The following TTC39C variants were observed in gnomAD, a reference collection of about 807,000 sequenced individuals.
TTC39C encodes tetratricopeptide repeat domain 39C.
TTC39C carries 33 observed loss-of-function variants against 76.3 expected under a neutral mutation model. The ratio of observed to expected loss-of-function variants is 0.43; its 90% CI spans 0.33 to 0.58. The LOEUF (loss-of-function observed/expected upper bound fraction) is 0.58. TTC39C is among the 20% of genes least tolerant of loss of function. The probability of loss-of-function intolerance (pLI) is 0.04; values close to 1 mark genes in which losing one functional copy is unlikely to be tolerated. For missense variants in TTC39C, 595 were observed against 701.4 expected (o/e 0.85, Z 1.71); for synonymous variants, 254 against 260.6 (o/e 0.97, Z 0.24).
At chr18:23,998,289 A>G (rs187302416) in intron 1 of TTC39C, among the ~76,000 whole-genome samples, 9 of 152,262 alleles carry the variant, frequency 5.9e-5, no homozygotes, top group Non-Finnish European at 8.8e-5. Context: ...TCTGGTTTTT[A>G]TTATTAAATA....
rs1262640800 is a variant in TTC39C, at chr18:24,023,058, G to T, written c.167+8020G>T. On this transcript the variant is annotated intron_variant, in intron 1 of 13. Transcript: ENST00000317571. ...TCCAGGTGTTCCTGGCCTTCCTGAG[G>T]TTGCTGGAGTTATGTGGGGTCCAAG... 2.6e-5 allele frequency among the ~76,000 whole-genome samples: 4 copies of T among 152,160 alleles called. No homozygotes were observed. The South Asian group carries it at 6.2e-4, about 24-fold the overall frequency.
chr18:24,077,081 GC>G (rs1227863473), intron 4 of TTC39C: 2 of 152,176 alleles, frequency 1.3e-5, no homozygotes, highest in Non-Finnish European at 2.9e-5. Context: ...TTCTCCGGGA[GC>G]AGGTGTTCAC....
chr18:24,131,175 C>T (rs1026728161), intron 12 of TTC39C, among the ~76,000 whole-genome samples: 10 of 146,754 alleles, frequency 6.8e-5, no homozygotes, highest in Non-Finnish European at 1.0e-4. Flanking sequence ...TGCCACTGCA[C>T]TCCAGCCTGA....
At chr18:24,113,468 T>C in intron 6 of TTC39C, 1 of 650,386 alleles carries the variant, frequency 1.5e-6, no homozygotes. Context: ...TAATGGGCAC[T>C]TGGGAGCATT....
At chr18:24,100,388 G>C (rs990101469) in intron 6 of TTC39C, among the ~76,000 whole-genome samples, 2 of 152,236 alleles carry the variant, frequency 1.3e-5, no homozygotes, top group Admixed American at 6.5e-5. Flanking sequence ...CTCTGGCCGA[G>C]TGACCTTGGC....
rs67885761 is a variant in TTC39C, at chr18:24,050,563, C to CAAA, written c.168-13556_168-13554dup. ...TGGGTGACAAAGCAAGACCCTGTCTCAAAAAAAAAAAAAAAAAAAAAAAGT... is the reference window on the plus strand; with the variant it reads ...TGGGTGACAAAGCAAGACCCTGTCTCAAAAAAAAAAAAAAAAAAAAAAAAAAGT... On this transcript the variant is annotated intron_variant, in intron 1 of 13. Coordinates refer to ENST00000317571, the MANE Select transcript of TTC39C (RefSeq NM_001135993.2). Among the ~76,000 whole-genome samples, 29 of 77,006 alleles carry CAAA rather than the reference C, an allele frequency of 3.8e-4. 1 individual carries two copies. The highest frequency in any genetic ancestry group is 9.8e-3 in the Middle Eastern group (1 of 102). 50.5% of individuals were successfully genotyped at this position (77,006 alleles called of 152,430 possible).
chr18:24,130,015 A>G (rs530079111), intron 11 of TTC39C, among the ~76,000 whole-genome samples: 1 of 152,228 alleles, frequency 6.6e-6, no homozygotes, highest in Non-Finnish European at 1.5e-5. Context: ...GGATGTTTAG[A>G]CTCTTAGATG....
At chr18:24,123,257 C>G (rs747650717) in intron 8 of TTC39C, among the ~76,000 whole-genome samples, 52 of 152,222 alleles carry the variant, frequency 3.4e-4, no homozygotes, top group African/African-American at 1.2e-3. Flanking sequence ...ATGTGAAAAA[C>G]TGTCTCCCCA....
intron 9 of TTC39C, among the ~76,000 whole-genome samples, chr18:24,125,129 T>G (rs1336691329): frequency 6.6e-6 from 1 of 152,198 alleles, no homozygotes; most frequent in Non-Finnish European, 1.5e-5. Context: ...TGACCTCAGG[T>G]GATCTGCCTG....
At chr18:24,079,806 CT>C (rs34238141) in intron 4 of TTC39C, among the ~76,000 whole-genome samples, 23 of 140,504 alleles carry the variant, frequency 1.6e-4, no homozygotes, top group Admixed American at 3.6e-4. Context: ...TTTTTTCTTT[CT>C]TTTTTTTTTT....
chr18:24,063,259 A>T (rs373022172), intron 1 of TTC39C, among the ~76,000 whole-genome samples: 80 of 152,306 alleles, frequency 5.3e-4, no homozygotes, highest in African/African-American at 1.9e-3. Context: ...TCAGATGATT[A>T]CAAGGGGGGA....
intron 1 of TTC39C, among the ~76,000 whole-genome samples, chr18:24,038,056 G>A (rs1355253186): frequency 2.6e-5 from 4 of 152,242 alleles, no homozygotes; most frequent in Non-Finnish European, 5.9e-5. Context: ...GTATCTAGTG[G>A]CACCATTTAC....
intron 1 of TTC39C, among the ~76,000 whole-genome samples, chr18:24,002,706 GAAA>G (rs1254180290): frequency 6.6e-6 from 1 of 152,112 alleles, no homozygotes; most frequent in Non-Finnish European, 1.5e-5. Context: ...CTGCAGGAGA[GAAA>G]AAAACCAAAC....
intron 1 of TTC39C, chr18:24,015,308 T>G: frequency 3.1e-6 from 1 of 324,926 alleles, no homozygotes; most frequent in African/African-American, 2.2e-5. Context: ...TCTCACTTTC[T>G]CCCAGCCTCG....
At chr18:24,001,828 T>TTTTG (rs1052910604) in intron 1 of TTC39C, among the ~76,000 whole-genome samples, 1 of 43,100 alleles carries the variant, frequency 2.3e-5, no homozygotes, top group African/African-American at 5.0e-5. Flanking sequence ...ATTCTGTTTT[T>TTTTG]TTTTTTTTTT....
chr18:24,043,801 TG>T (rs2145695285), intron 1 of TTC39C, among the ~76,000 whole-genome samples: 1 of 152,302 alleles, frequency 6.6e-6, no homozygotes, highest in South Asian at 2.1e-4. Flanking sequence ...GGGCAGTTCT[TG>T]GGATGGAGAA....
chr18:24,066,131 TAAG>T lies in TTC39C; in HGVS notation c.342_344del (p.Lys114del). ...TAATTGAAACAATCAAGAATAAAAT[TAAG>T]AAGAACGTAAGTATTGCGGCTTTAG... On this transcript the variant is annotated inframe_deletion, in exon 3 of 14. Coordinates refer to ENST00000317571, the MANE Select transcript of TTC39C (RefSeq NM_001135993.2). 6.3e-7 allele frequency: 1 copy of T among 1,596,500 alleles called. No homozygotes were observed. Among genetic ancestry groups the T allele is most frequent in the Non-Finnish European group, 8.5e-7 (1 of 1,175,754 alleles).
intron 9 of TTC39C, 24 bp from the exon 10 acceptor site, chr18:24,125,403 C>G: frequency 6.2e-7 from 1 of 1,613,200 alleles, no homozygotes; most frequent in Non-Finnish European, 8.5e-7. Flanking sequence ...AAAAATGTAG[C>G]CTGTTTATTC....
At chr18:24,042,964 T>G (rs968881222) in intron 1 of TTC39C, among the ~76,000 whole-genome samples, 7 of 152,154 alleles carry the variant, frequency 4.6e-5, no homozygotes, top group Non-Finnish European at 1.0e-4. Context: ...AAAATGTCTG[T>G]GTTCAGTGCC....
Sources: gnomAD v4.1 joint callset for allele counts (sites outside exome capture counted in the v4.1 genomes callset) on GRCh38, gnomAD v4.1.1 for gene constraint, MANE v1.5 for transcripts, NCBI Gene and HGNC (gene_info 2026-07-23, HGNC 2026-07-21) for gene names.